The following N4BP2 variants were observed in gnomAD, a reference collection of about 807,000 sequenced individuals.
N4BP2 encodes the protein NEDD4-binding protein 2.
In N4BP2, 91 loss-of-function variants were observed where a neutral mutation model predicts 152.8. The ratio of observed to expected loss-of-function variants is 0.60; its 90% CI spans 0.50 to 0.71. The LOEUF (loss-of-function observed/expected upper bound fraction) is 0.71. Ranked by LOEUF, N4BP2 falls within the 30% of genes least tolerant of loss-of-function variation. The pLI, the probability that N4BP2 is intolerant of heterozygous loss-of-function variation, is 0.00. For missense variants in N4BP2, 1,923 were observed against 2,059.1 expected (o/e 0.93, Z 1.28); for synonymous variants, 646 against 705.3 (o/e 0.92, Z 1.33).
chr4:40,146,812 C>G (rs931213818), intron 16 of N4BP2, among the ~76,000 whole-genome samples: 1 of 149,026 alleles, frequency 6.7e-6, no homozygotes, highest in African/African-American at 2.5e-5. Flanking sequence ...ATTTCATTTC[C>G]TCCTCTCTAT....
At chr4:40,138,024 AG>A (rs1187948414) in intron 14 of N4BP2, among the ~76,000 whole-genome samples, 1 of 152,102 alleles carries the variant, frequency 6.6e-6, no homozygotes, top group Non-Finnish European at 1.5e-5. Context: ...GCTAAACCTG[AG>A]GGGGTTGTGA....
In N4BP2 at chr4:40,121,316, A is replaced by T. The variant is rs1301270755; in HGVS notation, c.3205A>T (p.Arg1069Ter). 6.2e-7 allele frequency: 1 copy of T among 1,613,958 alleles called. No individual in the cohort carries two copies. Among genetic ancestry groups the T allele is most frequent in the Admixed American group, 1.7e-5 (1 of 59,924 alleles). Residue 1069 changes from arginine (R) to a stop codon, truncating the protein, a stop_gained, in exon 9 of 18, where the codon AGA (arginine) becomes TGA (stop). Coordinates refer to ENST00000261435, the MANE Select transcript of N4BP2 (RefSeq NM_018177.6). LOFTEE classifies it high-confidence loss of function. Reference protein sequence around the residue: ...KSDVQEAIPYRVMYDKSTFVE... With the variant: ...KSDVQEAIPY ...AGACGTTCAAGAAGCAATTCCATAT[A>T]GAGTAATGTATGATAAAAGCACGTT...
chr4:40,178,801 G>A, the N4BP2 span, among the ~76,000 whole-genome samples: 1 of 152,216 alleles, frequency 6.6e-6, no homozygotes, highest in African/African-American at 2.4e-5. Context: ...GATAAGACAT[G>A]CTTAGTGCAG....
At chr4:40,158,270 C>A (rs1232937035), downstream of N4BP2, 1 of 152,078 alleles carries the variant, frequency 6.6e-6, no homozygotes, top group Admixed American at 6.5e-5. Flanking sequence ...GTGAGGAAAT[C>A]CTTCATTTGA....
At position 40,156,793 on chromosome 4, in the gene N4BP2, T is replaced by C. The variant is rs1027226924; in HGVS notation, c.*2556T>C. On this transcript the variant is annotated 3_prime_UTR_variant, in exon 18 of 18. Coordinates refer to ENST00000261435, the MANE Select transcript of N4BP2 (RefSeq NM_018177.6). ...AATTTTTCGAGCACAGACATGATGC[T>C]CAAAGGAAATACTCACAGAGCATTT... 3 of 152,106 alleles carry C rather than the reference T, an allele frequency of 2.0e-5. No homozygotes were observed. Among genetic ancestry groups the C allele is most frequent in the African/African-American group, 7.2e-5 (3 of 41,434 alleles). 9.4% of individuals were successfully genotyped at this position (152,106 alleles called of 1,614,324 possible).
rs146016093 is a variant in N4BP2 at position 40,103,030 on chromosome 4, C to T, written c.1185C>T (p.Tyr395=). The change falls in exon 4 of 18, where the codon TAC becomes TAT. Residue 395 remains tyrosine, a synonymous_variant. Transcript: ENST00000261435. ...TTAAHWRSVN[Y]TFPPSVISHT... ...CTGCACACTGGAGATCTGTCAACTACACATTTCCACCCTCAGTTATTTCTC... is the reference window on the plus strand; with the variant it reads ...CTGCACACTGGAGATCTGTCAACTATACATTTCCACCCTCAGTTATTTCTC... 1.2e-6 allele frequency: 2 copies of T among 1,614,222 alleles called. No homozygotes were observed. Among genetic ancestry groups the T allele is most frequent in the Admixed American group, 1.7e-5 (1 of 60,026 alleles).
intron 4 of N4BP2, among the ~76,000 whole-genome samples, chr4:40,103,674 A>T (rs193044190): frequency 6.6e-6 from 1 of 152,336 alleles, no homozygotes; most frequent in African/African-American, 2.4e-5. Flanking sequence ...GAAGGAAGAG[A>T]GTATAGGATG....
rs1718381696 is a variant in N4BP2 at position 40,126,128 on chromosome 4, T to TTG, written c.4331-4_4331-3dup. The TTG allele has an allele frequency of 6.4e-7, 1 of 1,557,962 alleles. No individual in the cohort carries two copies. Among genetic ancestry groups the TTG allele is most frequent in the South Asian group, 1.2e-5 (1 of 81,506 alleles). On this transcript the variant is annotated splice_polypyrimidine_tract_variant and splice_region_variant and intron_variant, in intron 11 of 17. Transcript: ENST00000261435. ...AGAGTATGACAGTATTTATACTACT[T>TTG]TGTAGATCCTTCCTTGGTTGGACAT...
chr4:40,145,218 T>TTTTG lies in N4BP2; in HGVS notation c.5143+430_5143+433dup, dbSNP rs1212911646. ...TAGGATTCTCCCACTCCAGTAGTTT[T>TTTTG]TTTGTTTGTTTGTTTCTTTTTCTGA... On this transcript the variant is annotated intron_variant, in intron 16 of 17. Transcript: ENST00000261435. Among the ~76,000 whole-genome samples, 391 of 152,160 alleles carry TTTTG rather than the reference T, an allele frequency of 2.6e-3. 1 individual carries two copies. Among genetic ancestry groups the TTTTG allele is most frequent in the African/African-American group, 8.9e-3 (369 of 41,516 alleles).
the N4BP2 span, among the ~76,000 whole-genome samples, chr4:40,183,375 G>A: frequency 2.1e-5 from 3 of 145,334 alleles, no homozygotes; most frequent in Non-Finnish European, 3.0e-5. Flanking sequence ...TGGCTCTGTC[G>A]CCCAGGCTGG....
rs1721656053 is a variant in N4BP2 at position 40,157,072 on chromosome 4, C to T, written c.*2835C>T. The T allele has an allele frequency of 6.6e-6, 1 of 152,028 alleles. No homozygotes were observed. Among genetic ancestry groups the T allele is most frequent in the Non-Finnish European group, 1.5e-5 (1 of 67,956 alleles). 9.4% of individuals were successfully genotyped at this position (152,028 alleles called of 1,614,324 possible). ...TTATATTCATTCAGTAGTCTCTTAC[C>T]ATTATCTCCCAGATGGAAAAAGAGG... is the stretch of plus-strand genomic sequence containing the variant. On this transcript the variant is annotated 3_prime_UTR_variant, in exon 18 of 18. Transcript: ENST00000261435.
Position 40,124,141 on chromosome 4 carries a change from G to T in N4BP2, c.4285-19G>T, listed in dbSNP as rs1718180754. On this transcript the variant is annotated intron_variant, in intron 10 of 17. Transcript: ENST00000261435. ...TGCACTCCCTGTTTGCCAATCTCTT[G>T]CCTGGCTTTTGTGTTTAGGAGCGAC... 6.2e-7 allele frequency: 1 copy of T among 1,603,808 alleles called. No homozygotes were observed. Among genetic ancestry groups the T allele is most frequent in the African/African-American group, 1.3e-5 (1 of 74,774 alleles).
chr4:40,098,144 C>G (rs1289027192), intron 3 of N4BP2, among the ~76,000 whole-genome samples: 3 of 152,168 alleles, frequency 2.0e-5, no homozygotes, highest in Non-Finnish European at 4.4e-5. Context: ...ATAATAGGAG[C>G]TAAGTAAATA....
At chr4:40,066,774 A>G (rs1370181661) in intron 1 of N4BP2, among the ~76,000 whole-genome samples, 1 of 152,172 alleles carries the variant, frequency 6.6e-6, no homozygotes, top group Non-Finnish European at 1.5e-5. Flanking sequence ...CACTTTTAAG[A>G]GTACAGAACA....
the N4BP2 span, among the ~76,000 whole-genome samples, chr4:40,165,021 AAT>A: frequency 6.6e-6 from 1 of 152,068 alleles, no homozygotes; most frequent in Non-Finnish European, 1.5e-5. Context: ...TCTTAGATAA[AAT>A]TATATTTTTT....
At chr4:40,152,168 C>A (rs989819324) in intron 16 of N4BP2, among the ~76,000 whole-genome samples, 1 of 152,160 alleles carries the variant, frequency 6.6e-6, no homozygotes, top group African/African-American at 2.4e-5. Context: ...AGTAAGACTG[C>A]AATCCAGCTG....
rs200778952 is a variant in N4BP2, at chr4:40,134,907, C to T, written c.4647-2037C>T. Among the ~76,000 whole-genome samples the T allele has an allele frequency of 5.3e-3, 489 of 92,554 alleles. 6 individuals carry two copies. Among genetic ancestry groups the T allele is most frequent in the African/African-American group, 0.022 (441 of 20,268 alleles). The allele number at this position is 92,554 out of a possible 152,430, so 60.7% of individuals were successfully genotyped here. On this transcript the variant is annotated intron_variant, in intron 13 of 17. Transcript: ENST00000261435. ...TTCCTCCCTTCCTTCCTTCCTTTCT[C>T]TCTCTCTCTCTCTCTTTCTTTCTTT...
At chr4:40,139,824 T>C (rs570935213) in intron 14 of N4BP2, among the ~76,000 whole-genome samples, 19 of 149,006 alleles carry the variant, frequency 1.3e-4, no homozygotes, top group African/African-American at 4.7e-4. Context: ...TTACATTTTT[T>C]TTTCTTTTTT....
intron 14 of N4BP2, among the ~76,000 whole-genome samples, chr4:40,141,324 G>C (rs794005): frequency 0.79 from 117,978 of 150,046 alleles, 46,376 homozygotes; most frequent in East Asian, 0.97. Flanking sequence ...CTCCTCACTT[G>C]TCAGACGGGG....
Sources: gnomAD v4.1 joint callset for allele counts (sites outside exome capture counted in the v4.1 genomes callset) on GRCh38, gnomAD v4.1.1 for gene constraint, MANE v1.5 for transcripts, NCBI Gene and HGNC (gene_info 2026-07-23, HGNC 2026-07-21) for gene names.